The following TANC1 variants were observed in gnomAD, a reference collection of about 807,000 sequenced individuals.
The protein encoded by TANC1 is tetratricopeptide repeat, ankyrin repeat and coiled-coil containing 1.
A neutral mutation model predicts 149.7 loss-of-function variants in TANC1; 77 were observed. That is an observed-to-expected ratio of 0.51 (90% confidence interval 0.43 to 0.62). TANC1 has a LOEUF of 0.62. Ranked by LOEUF, TANC1 falls within the 20% of genes least tolerant of loss-of-function variation. TANC1 has a pLI of 0.00. For synonymous variants in TANC1, 854 were observed against 925.0 expected, an observed-to-expected ratio of 0.92 and a Z score of 1.39; for missense variants, 1,985 against 2,321.8, an observed-to-expected ratio of 0.85 and a Z score of 2.98.
chr2:159,021,509 A>G (rs1371266122), intron 2 of TANC1, among the ~76,000 whole-genome samples: 1 of 152,148 alleles, frequency 6.6e-6, no homozygotes, highest in Non-Finnish European at 1.5e-5. Context: ...AGGCAGGAGT[A>G]GCAGTAGAGC....
intron 14 of TANC1, 58 bp downstream of exon 14, chr2:159,179,221 A>C (rs2056199901): frequency 8.4e-6 from 13 of 1,554,002 alleles, no homozygotes; most frequent in Non-Finnish European, 1.1e-5. Context: ...AGTTGGGGAA[A>C]GGATTTAAAT....
At chr2:159,161,116 G>C (rs1238678390) in intron 7 of TANC1, among the ~76,000 whole-genome samples, 4 of 152,178 alleles carry the variant, frequency 2.6e-5, no homozygotes, top group African/African-American at 4.8e-5. Context: ...GGTCCCTGAG[G>C]TCCTGATTGC....
chr2:159,152,275 A>T (rs2052901725), intron 7 of TANC1, among the ~76,000 whole-genome samples: 1 of 151,920 alleles, frequency 6.6e-6, no homozygotes, highest in Non-Finnish European at 1.5e-5. Flanking sequence ...TGTCCACCAT[A>T]GATGGATCTT....
intron 3 of TANC1, among the ~76,000 whole-genome samples, chr2:159,091,864 C>T (rs2045575725): frequency 6.6e-6 from 1 of 151,730 alleles, no homozygotes; most frequent in African/African-American, 2.4e-5. Flanking sequence ...TTCTATAAGA[C>T]ATAAAATGGC....
At chr2:159,179,424 G>C (rs979226735) in intron 14 of TANC1, among the ~76,000 whole-genome samples, 11 of 152,040 alleles carry the variant, frequency 7.2e-5, no homozygotes, top group Admixed American at 6.6e-5. Flanking sequence ...GGTGGTGCCT[G>C]TGTGGTCCTT....
intron 2 of TANC1, among the ~76,000 whole-genome samples, chr2:159,057,116 G>C (rs2041913252): frequency 6.6e-6 from 1 of 151,974 alleles, no homozygotes; most frequent in Admixed American, 6.6e-5. Context: ...TGGTTTTTCT[G>C]AGAATCTCCT....
At chr2:159,093,034 G>A (rs949834794) in intron 3 of TANC1, among the ~76,000 whole-genome samples, 3 of 152,208 alleles carry the variant, frequency 2.0e-5, no homozygotes, top group African/African-American at 7.2e-5. Context: ...GATGCTGTGC[G>A]ATGGAAAGCA....
chr2:159,204,561 T>C (rs1297819550), intron 19 of TANC1, among the ~76,000 whole-genome samples: 2 of 152,172 alleles, frequency 1.3e-5, no homozygotes, highest in Non-Finnish European at 2.9e-5. Context: ...CGTCCTGCCC[T>C]GTCGTGGTCA....
Position 159,230,150 on chromosome 2 carries a change from C to T in TANC1, c.4724C>T (p.Ala1575Val). The T allele has an allele frequency of 6.2e-7, 1 of 1,614,122 alleles. No homozygotes were observed. The highest frequency in any genetic ancestry group is 8.5e-7 in the Non-Finnish European group (1 of 1,180,046). The change falls in exon 27 of 27, where the codon GCT (alanine) becomes GTT (valine). Residue 1575 changes from alanine to valine, a missense_variant. Physicochemically the swap from Ala to Val is moderately conservative, Grantham distance 64. Transcript: ENST00000263635. This position sits in a 1 kb window ranked among gnomAD's most constrained non-coding sequence, Gnocchi z 4.4. Reference protein sequence around the residue: ...PMPGRIAATPAGSRTQHLEGT... With the variant: ...PMPGRIAATPVGSRTQHLEGT... Reference sequence around the variant, plus strand: ...CCAGGGAGAATCGCTGCCACTCCTGCTGGGAGCAGAACCCAGCATTTAGAG... The same window carrying T: ...CCAGGGAGAATCGCTGCCACTCCTGTTGGGAGCAGAACCCAGCATTTAGAG...
chr2:159,224,390 C>G, intron 23 of TANC1, 26 bp downstream of exon 23: 1 of 1,613,786 alleles, frequency 6.2e-7, no homozygotes, highest in Non-Finnish European at 8.5e-7. Flanking sequence ...CTCCATTGAG[C>G]AGGAGGAGCG....
At chr2:159,021,776 A>G (rs1013546654) in intron 2 of TANC1, among the ~76,000 whole-genome samples, 2 of 152,218 alleles carry the variant, frequency 1.3e-5, no homozygotes, top group African/African-American at 4.8e-5. Flanking sequence ...TTTTTCTCAA[A>G]CTTTCAGTCT....
chr2:159,157,179 C>T (rs1201362035), intron 7 of TANC1, among the ~76,000 whole-genome samples: 2 of 152,170 alleles, frequency 1.3e-5, no homozygotes, highest in Non-Finnish European at 2.9e-5. Flanking sequence ...GGTTACCATG[C>T]AGGGTTGGGG....
At chr2:159,102,841 T>C (rs1405294179) in intron 4 of TANC1, among the ~76,000 whole-genome samples, 6 of 90,824 alleles carry the variant, frequency 6.6e-5, no homozygotes, top group Admixed American at 1.3e-4. Flanking sequence ...GCTTCAGCCT[T>C]CCGAGTAGCT....
intron 1 of TANC1, among the ~76,000 whole-genome samples, chr2:158,990,749 C>G (rs2149273135): frequency 6.6e-6 from 1 of 152,130 alleles, no homozygotes; most frequent in South Asian, 2.1e-4. Context: ...TGTGAACTTG[C>G]TGGTGGGCCT....
Position 159,035,294 on chromosome 2 carries a change from A to C in TANC1, c.-15-30602A>C, listed in dbSNP as rs545057645. On this transcript the variant is annotated intron_variant, in intron 2 of 26. Transcript: ENST00000263635. ...TGAAATTCTCATTCAGCTAGTCTCT[A>C]ACCTCCTGTGTTTTAGGTTTCAGAA... is the stretch of plus-strand genomic sequence containing the variant. Among the ~76,000 whole-genome samples, 3 of 152,294 alleles carry C rather than the reference A, an allele frequency of 2.0e-5. No individual in the cohort carries two copies. In the South Asian group the frequency reaches 6.2e-4, roughly 32 times the overall value.
At chr2:159,142,781 A>T (rs1559337917) in intron 5 of TANC1, among the ~76,000 whole-genome samples, 1 of 151,940 alleles carries the variant, frequency 6.6e-6, no homozygotes, top group South Asian at 2.1e-4. Context: ...AAAAAAAAAA[A>T]GGCCAGGCAC....
chr2:159,057,635 T>C (rs1159085528), intron 2 of TANC1, among the ~76,000 whole-genome samples: 1 of 152,212 alleles, frequency 6.6e-6, no homozygotes, highest in Admixed American at 6.5e-5. Context: ...TAATTCCCTT[T>C]GAAAATTATA....
chr2:159,182,313 A>G (rs968382573), intron 14 of TANC1, among the ~76,000 whole-genome samples: 1 of 152,186 alleles, frequency 6.6e-6, no homozygotes, highest in Non-Finnish European at 1.5e-5. Flanking sequence ...AGTATGTTAA[A>G]TTGTAAACAT....
Position 159,225,693 on chromosome 2 carries a change from G to T in TANC1, c.3817G>T (p.Ala1273Ser), listed in dbSNP as rs908691835. Reference sequence around the variant, plus strand: ...AATGCGTGTTTGTTTTGCAGGAAATGCTGCTTGGGCGATGGCCACTTCCAA... The same window carrying T: ...AATGCGTGTTTGTTTTGCAGGAAATTCTGCTTGGGCGATGGCCACTTCCAA... ...LLRKGAKLGNAAWAMATSKPD... is the reference protein window; with the variant it reads ...LLRKGAKLGNSAWAMATSKPD... The change falls in exon 24 of 27, where the codon GCT becomes TCT. Residue 1273 changes from alanine to serine, a missense_variant. By Grantham distance (99) the Ala-to-Ser change is moderately conservative. Transcript: ENST00000263635. 1 of 1,613,894 alleles carries T rather than the reference G, an allele frequency of 6.2e-7. No individual in the cohort carries two copies.
Sources: gnomAD v4.1 joint callset for allele counts (sites outside exome capture counted in the v4.1 genomes callset) on GRCh38, gnomAD v4.1.1 for gene constraint, Gnocchi (gnomAD v3.1) non-coding constraint, MANE v1.5 for transcripts, NCBI Gene and HGNC (gene_info 2026-07-23, HGNC 2026-07-21) for gene names.